CCR4: variants seen among roughly 807,000 people sequenced by gnomAD.
CCR4 encodes C-C motif chemokine receptor 4.
A neutral mutation model predicts 17.1 loss-of-function variants in CCR4; 9 were observed. The observed-to-expected ratio is 0.53, with a 90% CI of 0.32 to 0.92. The LOEUF (loss-of-function observed/expected upper bound fraction) is 0.92, where lower values mean the gene tolerates loss of function less well. CCR4 is among the 40% of genes least tolerant of loss of function. The pLI is 0.04. For missense variants in CCR4, 385 were observed against 433.9 expected, an observed-to-expected ratio of 0.89 and a Z score of 1.00; for synonymous variants, 217 against 174.3, an observed-to-expected ratio of 1.24 and a Z score of -1.93.
Position 32,953,680 on chromosome 3 carries a change from G to A in CCR4, c.258G>A (p.Leu86=), listed in dbSNP as rs746245472. Residue 86 remains leucine, a synonymous_variant, in exon 2 of 2, where the codon CTG becomes CTA. Transcript: ENST00000330953. ...VYLLNLAISD[L]LFVFSLPFWG... ...TGCTCAACCTTGCCATCTCGGATCT[G>A]CTCTTCGTGTTTTCCCTCCCTTTTT... 3.1e-6 allele frequency: 5 copies of A among 1,613,968 alleles called. No homozygotes were observed. In the African/African-American group the frequency reaches 6.7e-5, roughly 22 times the overall value.
chr3:32,953,822 G>T lies in CCR4; in HGVS notation c.400G>T (p.Asp134Tyr). The change falls in exon 2 of 2, where the codon GAT (aspartate) becomes TAT (tyrosine). Residue 134 changes from aspartate (D) to tyrosine (Y), a missense_variant. Asp to Tyr is a radical substitution (Grantham distance 160, BLOSUM62 -3). Coordinates refer to ENST00000330953, the MANE Select transcript of CCR4 (RefSeq NM_005508.5). ...ATTCTTTGTCATGCTCATGAGCATTGATAGATACCTGGCAATTGTGCACGC... is the reference window on the plus strand; with the variant it reads ...ATTCTTTGTCATGCTCATGAGCATTTATAGATACCTGGCAATTGTGCACGC... Reference protein sequence around the residue: ...GIFFVMLMSIDRYLAIVHAVF... With the variant: ...GIFFVMLMSIYRYLAIVHAVF... The T allele has an allele frequency of 6.2e-7, 1 of 1,614,100 alleles. No individual in the cohort carries two copies. Among genetic ancestry groups the T allele is most frequent in the Non-Finnish European group, 8.5e-7 (1 of 1,180,022 alleles).
rs1397510058 is a variant in CCR4 at position 32,954,033 on chromosome 3, T to C, written c.611T>C (p.Leu204Pro). ...ACGACGTGGAAGGTTCTCAGCTCCCTGGAAATCAACATTCTCGGATTGGTG... is the reference window on the plus strand; with the variant it reads ...ACGACGTGGAAGGTTCTCAGCTCCCCGGAAATCAACATTCTCGGATTGGTG... ...NSTTWKVLSS[L>P]EINILGLVIP... is the part of the protein sequence containing the mutation. The change falls in exon 2 of 2, where the codon CTG becomes CCG. Residue 204 changes from leucine to proline, a missense_variant. Coordinates refer to ENST00000330953, the MANE Select transcript of CCR4 (RefSeq NM_005508.5). The C allele has an allele frequency of 1.2e-6, 2 of 1,614,172 alleles. No individual in the cohort carries two copies. The highest frequency in any genetic ancestry group is 2.2e-5 in the East Asian group (1 of 44,876).
intron 1 of CCR4, among the ~76,000 whole-genome samples, chr3:32,952,563 A>G (rs2125706650): frequency 6.6e-6 from 1 of 152,324 alleles, no homozygotes; most frequent in East Asian, 1.9e-4. Flanking sequence ...ACCTGGCTTC[A>G]AAAGCCCTTT....
At position 32,954,701 on chromosome 3, in the gene CCR4, G is replaced by C; in HGVS notation, c.*196G>C. On this transcript the variant is annotated 3_prime_UTR_variant, in exon 2 of 2. Coordinates refer to ENST00000330953, the MANE Select transcript of CCR4 (RefSeq NM_005508.5). ...TCCAGCCTGGCAAGGGTTCACCTGG[G>C]CTGAGGCATCCTTCCTCACACCAGG... is the stretch of plus-strand genomic sequence containing the variant. The C allele has an allele frequency of 1.8e-6, 1 of 549,754 alleles. No homozygotes were observed. Among genetic ancestry groups the C allele is most frequent in the Non-Finnish European group, 3.1e-6 (1 of 319,490 alleles). 34.1% of individuals were successfully genotyped at this position (549,754 alleles called of 1,614,324 possible).
In CCR4 at chr3:32,955,406, G is replaced by T. The variant is rs1430984852; in HGVS notation, c.*901G>T. Reference sequence around the variant, plus strand: ...TACAAAATTAGCCAGGTGTGGTGGCGCATGCCTGTAATCCCAGCTACTCAG... The same window carrying T: ...TACAAAATTAGCCAGGTGTGGTGGCTCATGCCTGTAATCCCAGCTACTCAG... On this transcript the variant is annotated 3_prime_UTR_variant, in exon 2 of 2. Coordinates refer to ENST00000330953, the MANE Select transcript of CCR4 (RefSeq NM_005508.5). 6 of 165,442 alleles carry T rather than the reference G, an allele frequency of 3.6e-5. No individual in the cohort carries two copies. The highest frequency in any genetic ancestry group is 5.9e-5 in the Non-Finnish European group (4 of 67,960). The allele number at this position is 165,442 out of a possible 1,614,324, so 10.2% of individuals were successfully genotyped here.
In CCR4 at chr3:32,953,775, T is replaced by C; in HGVS notation, c.353T>C (p.Leu118Ser). The change falls in exon 2 of 2, where the codon TTG (leucine) becomes TCG (serine). Residue 118 changes from leucine to serine, a missense_variant. Leu to Ser is a moderately radical substitution (Grantham distance 145). Coordinates refer to ENST00000330953, the MANE Select transcript of CCR4 (RefSeq NM_005508.5). ...TGCAAGATGATTTCCTGGATGTACT[T>C]GGTGGGCTTTTACAGTGGCATATTC... ...GLCKMISWMY[L>S]VGFYSGIFFV... The C allele has an allele frequency of 1.2e-6, 2 of 1,614,066 alleles. No individual in the cohort carries two copies. Among genetic ancestry groups the C allele is most frequent in the Non-Finnish European group, 1.7e-6 (2 of 1,180,028 alleles).
Position 32,953,368 on chromosome 3 carries a change from T to A in CCR4, c.-51-4T>A. ...GAAATCTCCTTTGCTCTTCCCCTCA[T>A]TAGCTGCTTCTGGTTGGGCCCAGAC... On this transcript the variant is annotated splice_polypyrimidine_tract_variant and splice_region_variant and intron_variant, in intron 1 of 1. Coordinates refer to ENST00000330953, the MANE Select transcript of CCR4 (RefSeq NM_005508.5). 6.6e-7 allele frequency: 1 copy of A among 1,526,066 alleles called. No individual in the cohort carries two copies. The highest frequency in any genetic ancestry group is 1.3e-5 in the South Asian group (1 of 76,720). 94.5% of individuals were successfully genotyped at this position (1,526,066 alleles called of 1,614,324 possible).
At chr3:32,953,072 A>G (rs952590926) in intron 1 of CCR4, among the ~76,000 whole-genome samples, 10 of 152,316 alleles carry the variant, frequency 6.6e-5, no homozygotes, top group African/African-American at 2.4e-4. Context: ...ATCCTCAAAG[A>G]ACACCTGCTT....
Position 32,955,261 on chromosome 3 carries a change from G to C in CCR4, c.*756G>C, listed in dbSNP as rs1042442884. ...GAGGAATATTAAAAAATTTTAAATA[G>C]GCTGGGCACGGTGGCCTGTAATCCC... On this transcript the variant is annotated 3_prime_UTR_variant, in exon 2 of 2. Coordinates refer to ENST00000330953, the MANE Select transcript of CCR4 (RefSeq NM_005508.5). 3.0e-5 allele frequency: 5 copies of C among 166,838 alleles called. No individual in the cohort carries two copies. Among genetic ancestry groups the C allele is most frequent in the African/African-American group, 1.2e-4 (5 of 41,430 alleles). 10.3% of individuals were successfully genotyped at this position (166,838 alleles called of 1,614,324 possible).
chr3:32,954,680 G>T lies in CCR4; in HGVS notation c.*175G>T, dbSNP rs1695680922. ...TTTTCTCTCCCACTAGACAAGTCCA[G>T]CCTGGCAAGGGTTCACCTGGGCTGA... On this transcript the variant is annotated 3_prime_UTR_variant, in exon 2 of 2. Coordinates refer to ENST00000330953, the MANE Select transcript of CCR4 (RefSeq NM_005508.5). 3.1e-6 allele frequency: 2 copies of T among 652,834 alleles called. No individual in the cohort carries two copies. Among genetic ancestry groups the T allele is most frequent in the African/African-American group, 1.8e-5 (1 of 54,112 alleles). 40.4% of individuals were successfully genotyped at this position (652,834 alleles called of 1,614,324 possible). A position where few individuals can be genotyped will look rare whatever the true frequency, so the allele number is the denominator to read the frequency against.
In CCR4 at chr3:32,954,311, T is replaced by C. The variant is rs1479347007; in HGVS notation, c.889T>C (p.Cys297Arg). The C allele has an allele frequency of 1.2e-6, 2 of 1,614,042 alleles. No homozygotes were observed. The highest frequency in any genetic ancestry group is 1.7e-6 in the Non-Finnish European group (2 of 1,180,046). ...QATETLAFVH[C>R]CLNPIIYFFL... ...CACAGAAACTCTGGCTTTTGTTCAC[T>C]GCTGCCTTAATCCCATCATCTACTT... The change falls in exon 2 of 2, where the codon TGC becomes CGC. Residue 297 changes from cysteine to arginine, a missense_variant. Cys to Arg is a radical substitution (Grantham distance 180). Transcript: ENST00000330953.
chr3:32,953,234 T>TGAGTA (rs1423621127), intron 1 of CCR4, 138 bp from the exon 2 acceptor site: 2 of 573,368 alleles, frequency 3.5e-6, no homozygotes, highest in Non-Finnish European at 2.9e-6. Flanking sequence ...CAGGGCCCTG[T>TGAGTA]GAGTAATCGA....
In CCR4 at chr3:32,953,974, T is replaced by TACCTACTGCAAA; in HGVS notation, c.556_567dup (p.Tyr186_Thr189dup). On this transcript the variant is annotated inframe_insertion, in exon 2 of 2. Transcript: ENST00000330953. Reference sequence around the variant, plus strand: ...GCACTTGTTATACTGAGCGCAACCATACCTACTGCAAAACCAAGTACTCTC... The same window carrying TACCTACTGCAAA: ...GCACTTGTTATACTGAGCGCAACCATACCTACTGCAAAACCTACTGCAAAACCAAGTACTCTC... 1 of 1,614,102 alleles carries TACCTACTGCAAA rather than the reference T, an allele frequency of 6.2e-7. No individual in the cohort carries two copies. The highest frequency in any genetic ancestry group is 8.5e-7 in the Non-Finnish European group (1 of 1,180,022).
At position 32,954,309 on chromosome 3, in the gene CCR4, A is replaced by C; in HGVS notation, c.887A>C (p.His296Pro). 6.2e-7 allele frequency: 1 copy of C among 1,614,058 alleles called. No homozygotes were observed. Among genetic ancestry groups the C allele is most frequent in the Non-Finnish European group, 8.5e-7 (1 of 1,180,006 alleles). ...IQATETLAFVHCCLNPIIYFF... is the reference protein window; with the variant it reads ...IQATETLAFVPCCLNPIIYFF... ...GCCACAGAAACTCTGGCTTTTGTTC[A>C]CTGCTGCCTTAATCCCATCATCTAC... Residue 296 changes from histidine (H) to proline (P), a missense_variant, in exon 2 of 2, where the codon CAC (histidine) becomes CCC (proline). Coordinates refer to ENST00000330953, the MANE Select transcript of CCR4 (RefSeq NM_005508.5).
chr3:32,953,370 A>T lies in CCR4; in HGVS notation c.-51-2A>T. ...AATCTCCTTTGCTCTTCCCCTCATT[A>T]GCTGCTTCTGGTTGGGCCCAGACCT... On this transcript the variant is annotated splice_acceptor_variant, in intron 1 of 1. Transcript: ENST00000330953. LOFTEE classifies it low-confidence loss of function (5UTR_SPLICE). 6.6e-7 allele frequency: 1 copy of T among 1,526,502 alleles called. No individual in the cohort carries two copies. The highest frequency in any genetic ancestry group is 8.7e-7 in the Non-Finnish European group (1 of 1,145,372). 94.6% of individuals were successfully genotyped at this position (1,526,502 alleles called of 1,614,324 possible). A position where few individuals can be genotyped will look rare whatever the true frequency, so the allele number is the denominator to read the frequency against.
In CCR4 at chr3:32,953,797, ATTC is replaced by A. The variant is rs776272508; in HGVS notation, c.378_380del (p.Phe127del). 1 of 1,614,032 alleles carries A rather than the reference ATTC, an allele frequency of 6.2e-7. No homozygotes were observed. On this transcript the variant is annotated inframe_deletion, in exon 2 of 2. Transcript: ENST00000330953. ...ACTTGGTGGGCTTTTACAGTGGCATATTCTTTGTCATGCTCATGAGCATTGATA... is the reference window on the plus strand; with the variant it reads ...ACTTGGTGGGCTTTTACAGTGGCATATTTGTCATGCTCATGAGCATTGATA...
At position 32,954,376 on chromosome 3, in the gene CCR4, C is replaced by T; in HGVS notation, c.954C>T (p.Leu318=). Residue 318 remains leucine (L), a synonymous_variant, in exon 2 of 2, where the codon CTC becomes CTT. Coordinates refer to ENST00000330953, the MANE Select transcript of CCR4 (RefSeq NM_005508.5). ...GEKFRKYILQ[L]FKTCRGLFVL... is the part of the protein sequence containing the mutation. ...AATTTCGCAAGTACATCCTACAGCT[C>T]TTCAAAACCTGCAGGGGCCTTTTTG... 6.2e-7 allele frequency: 1 copy of T among 1,613,864 alleles called. No homozygotes were observed. The highest frequency in any genetic ancestry group is 1.7e-5 in the Admixed American group (1 of 59,962).
rs1695683713 is a variant in CCR4, at chr3:32,954,762, C to G, written c.*257C>G. ...GGCATGAGTCAGTCTGATGAGAACT[C>G]TGAGCAGTGCTTGAATGAAGTTGTA... On this transcript the variant is annotated 3_prime_UTR_variant, in exon 2 of 2. Coordinates refer to ENST00000330953, the MANE Select transcript of CCR4 (RefSeq NM_005508.5). The G allele has an allele frequency of 2.4e-6, 1 of 423,518 alleles. No individual in the cohort carries two copies. The highest frequency in any genetic ancestry group is 4.3e-6 in the Non-Finnish European group (1 of 231,134). 26.2% of individuals were successfully genotyped at this position (423,518 alleles called of 1,614,324 possible).
Position 32,955,601 on chromosome 3 carries a change from CTTGTTTT to C in CCR4, c.*1099_*1105del, listed in dbSNP as rs1695709806. On this transcript the variant is annotated 3_prime_UTR_variant, in exon 2 of 2. Coordinates refer to ENST00000330953, the MANE Select transcript of CCR4 (RefSeq NM_005508.5). ...GAATACATTTATTTGAGGTCATTTA[CTTGTTTT>C]TTTTTTTTTTTTTTTTTTTGAGATG... 7.5e-6 allele frequency: 1 copy of C among 133,460 alleles called. No homozygotes were observed. Among genetic ancestry groups the C allele is most frequent in the African/African-American group, 3.3e-5 (1 of 30,300 alleles). The allele number at this position is 133,460 out of a possible 1,614,324, so 8.3% of individuals were successfully genotyped here. A position where few individuals can be genotyped will look rare whatever the true frequency, so the allele number is the denominator to read the frequency against.
Sources: gnomAD v4.1 joint callset for allele counts (sites outside exome capture counted in the v4.1 genomes callset) on GRCh38, gnomAD v4.1.1 for gene constraint, MANE v1.5 for transcripts, NCBI Gene and HGNC (gene_info 2026-07-23, HGNC 2026-07-21) for gene names.